Variants in AUTS2 observed in about 807,000 individuals in gnomAD.
AUTS2 encodes the protein activator of transcription and developmental regulator AUTS2.
In AUTS2, 17 loss-of-function variants were observed where a neutral mutation model predicts 112.4. The observed-to-expected ratio is 0.15, with a 90% confidence interval of 0.10 to 0.23. The LOEUF is 0.23. AUTS2 is among the 10% of genes least tolerant of loss of function. The pLI, the probability that AUTS2 is intolerant of heterozygous loss-of-function variation, is 1.00. For missense variants in AUTS2, 1,510 were observed against 1,701.6 expected (o/e 0.89, Z 1.98); for synonymous variants, 751 against 702.7 (o/e 1.07, Z -1.09).
chr7:69,644,700 C>G (rs965545037), intron 1 of AUTS2, among the ~76,000 whole-genome samples: 1 of 152,044 alleles, frequency 6.6e-6, no homozygotes, highest in South Asian at 2.1e-4. Flanking sequence ...CCTCCTAGCA[C>G]TTAATAGGCA....
chr7:70,386,393 A>G (rs1180245754), intron 4 of AUTS2, among the ~76,000 whole-genome samples: 1 of 152,242 alleles, frequency 6.6e-6, no homozygotes, highest in Non-Finnish European at 1.5e-5. Context: ...TATGAAGTTC[A>G]TCCTCATAAA....
At chr7:70,211,331 ATTTT>A in intron 4 of AUTS2, among the ~76,000 whole-genome samples, 1 of 143,032 alleles carries the variant, frequency 7.0e-6, no homozygotes, top group South Asian at 2.3e-4. Flanking sequence ...ATTTAAAAGA[ATTTT>A]TTTTTTTTTT....
chr7:70,370,700 T>G (rs773788197), intron 4 of AUTS2, among the ~76,000 whole-genome samples: 1 of 152,214 alleles, frequency 6.6e-6, no homozygotes, highest in African/African-American at 2.4e-5. Flanking sequence ...TATACACATC[T>G]TATAGTGGAA....
At chr7:70,118,106 T>G (rs1002308978) in intron 2 of AUTS2, 26 bp from the exon 3 acceptor site, 2 of 1,570,846 alleles carry the variant, frequency 1.3e-6, no homozygotes, top group Non-Finnish European at 1.7e-6. Flanking sequence ...AACTTTTTCC[T>G]TTTTTCTCTT....
chr7:70,786,743 C>A lies in AUTS2; in HGVS notation c.2309-466C>A, dbSNP rs1055195908. On this transcript the variant is annotated intron_variant, in intron 17 of 18. Transcript: ENST00000342771. Reference sequence around the variant, plus strand: ...CTTTATTTAAAACACAGGAAGGAGACCTGTGTGTCTGGTGAGGGCAAGGTC... The same window carrying A: ...CTTTATTTAAAACACAGGAAGGAGAACTGTGTGTCTGGTGAGGGCAAGGTC... Among the ~76,000 whole-genome samples the A allele has an allele frequency of 2.0e-5, 3 of 152,098 alleles. No homozygotes were observed. In the East Asian group the frequency reaches 5.8e-4, roughly 29 times the overall value.
In AUTS2 at chr7:70,435,923, C is replaced by G. The variant is rs994573759; in HGVS notation, c.690+142C>G. 3 of 820,862 alleles carry G rather than the reference C, an allele frequency of 3.7e-6. No individual in the cohort carries two copies. In the African/African-American group the frequency reaches 5.1e-5, roughly 14 times the overall value. 50.8% of individuals were successfully genotyped at this position (820,862 alleles called of 1,614,324 possible). On this transcript the variant is annotated intron_variant, in intron 5 of 18. Coordinates refer to ENST00000342771, the MANE Select transcript of AUTS2 (RefSeq NM_015570.4). ...TTAGGAAAGATGGGCATTATTCACA[C>G]AGTGACATTTCCTATGCTATGACAC...
chr7:70,087,948 A>G (rs1055798672), intron 2 of AUTS2, among the ~76,000 whole-genome samples: 14 of 150,724 alleles, frequency 9.3e-5, no homozygotes, highest in African/African-American at 3.4e-4. Flanking sequence ...GGTAGTTTGT[A>G]TCTTTTCTGA....
intron 5 of AUTS2, among the ~76,000 whole-genome samples, chr7:70,494,589 TC>T (rs1319666562): frequency 7.2e-6 from 1 of 139,512 alleles, no homozygotes; most frequent in Non-Finnish European, 1.5e-5. Flanking sequence ...CCCCCGACAC[TC>T]AGATCCCTTC....
chr7:70,635,560 G>A (rs989092096), intron 5 of AUTS2, among the ~76,000 whole-genome samples: 1 of 152,160 alleles, frequency 6.6e-6, no homozygotes, highest in Non-Finnish European at 1.5e-5. Context: ...ACACAGAGAG[G>A]GAGAGGAAAC....
chr7:70,497,998 A>C (rs1478532461), intron 5 of AUTS2, among the ~76,000 whole-genome samples: 1 of 152,226 alleles, frequency 6.6e-6, no homozygotes, highest in Non-Finnish European at 1.5e-5. Flanking sequence ...AAAACACATA[A>C]TGCATGTGTC....
In AUTS2 at chr7:70,375,708, G is replaced by A. The variant is rs1793054039; in HGVS notation, c.661-60044G>A. ...CTGAATGGGCTTTGAGCAACATTTG[G>A]AATACAAGTGTGTAAGGTGGGGTTG... On this transcript the variant is annotated intron_variant, in intron 4 of 18. Transcript: ENST00000342771. 2.0e-5 allele frequency among the ~76,000 whole-genome samples: 3 copies of A among 152,134 alleles called. No individual in the cohort carries two copies. In the South Asian group the frequency reaches 6.2e-4, roughly 32 times the overall value.
At chr7:70,263,537 C>T (rs1365095868) in intron 4 of AUTS2, among the ~76,000 whole-genome samples, 2 of 152,116 alleles carry the variant, frequency 1.3e-5, no homozygotes, top group East Asian at 3.8e-4. Flanking sequence ...ATAAAATGTT[C>T]ATTTCTTCAA....
chr7:69,966,212 G>A (rs1797630763), intron 2 of AUTS2, among the ~76,000 whole-genome samples: 1 of 152,188 alleles, frequency 6.6e-6, no homozygotes, highest in Admixed American at 6.5e-5. Flanking sequence ...TGAAGGATTT[G>A]TAGGTCCACA....
At chr7:70,591,746 C>T (rs895937459) in intron 5 of AUTS2, among the ~76,000 whole-genome samples, 1 of 152,198 alleles carries the variant, frequency 6.6e-6, no homozygotes, top group Non-Finnish European at 1.5e-5. Flanking sequence ...GCTCCCCCCA[C>T]CTGCAACATA....
At chr7:70,649,817 G>A (rs899613207) in intron 5 of AUTS2, among the ~76,000 whole-genome samples, 52 of 151,956 alleles carry the variant, frequency 3.4e-4, no homozygotes, top group African/African-American at 1.2e-3. Context: ...GTGAGCCACC[G>A]CACCCGGCCC....
chr7:70,050,355 C>A (rs1364004441), intron 2 of AUTS2, among the ~76,000 whole-genome samples: 174 of 72,872 alleles, frequency 2.4e-3, no homozygotes, highest in East Asian at 2.7e-3. Flanking sequence ...GACTCTGTCT[C>A]AAAAAAAAAA....
chr7:70,495,800 C>T (rs1426526234), intron 5 of AUTS2, among the ~76,000 whole-genome samples: 1 of 141,078 alleles, frequency 7.1e-6, no homozygotes, highest in Non-Finnish European at 1.5e-5. Context: ...ACACCCCACA[C>T]ATGCACACGT....
chr7:69,819,680 C>T (rs748148479), intron 1 of AUTS2, among the ~76,000 whole-genome samples: 4 of 152,146 alleles, frequency 2.6e-5, no homozygotes, highest in East Asian at 1.9e-4. Context: ...TGCTGTGGTG[C>T]GAACATGGCT....
At chr7:70,518,518 T>TA (rs543976382) in intron 5 of AUTS2, among the ~76,000 whole-genome samples, 275 of 151,820 alleles carry the variant, frequency 1.8e-3, no homozygotes, top group African/African-American at 6.3e-3. Flanking sequence ...CCGTCTCTAC[T>TA]AAAAAAATAC....
Sources: allele counts gnomAD v4.1 joint callset (sites outside exome capture counted in the v4.1 genomes callset), GRCh38; gene constraint gnomAD v4.1.1; transcripts MANE v1.5; gene names NCBI Gene and HGNC (gene_info 2026-07-23, HGNC 2026-07-21).